Variants in MUS81 observed in about 807,000 individuals in gnomAD.
MUS81 encodes the protein MUS81 structure-specific endonuclease subunit.
A neutral mutation model predicts 74.2 loss-of-function variants in MUS81; 69 were observed. That is an observed-to-expected ratio of 0.93 (90% CI 0.77 to 1.14). The LOEUF (loss-of-function observed/expected upper bound fraction) is 1.14. Ranked by LOEUF, MUS81 falls within the 50% of genes most tolerant of loss-of-function variation. The pLI, the probability that MUS81 is intolerant of heterozygous loss-of-function variation, is 0.00. For synonymous variants in MUS81, 303 were observed against 300.6 expected, an observed-to-expected ratio of 1.01 and a Z score of -0.08; for missense variants, 711 against 726.5, an observed-to-expected ratio of 0.98 and a Z score of 0.25.
chr11:65,865,329 C>A lies in MUS81; in HGVS notation c.1505+6C>A, dbSNP rs1859786827. On this transcript the variant is annotated splice_donor_region_variant and intron_variant, in intron 14 of 15. Transcript: ENST00000308110. The stretch of plus-strand genomic sequence containing the variant: ...CGATACAGCACCCCTGCCAGGTAGG[C>A]CCTAAAGGGCCCTTAGGTGTCCTCA... 6.2e-7 allele frequency: 1 copy of A among 1,612,226 alleles called. No homozygotes were observed. The highest frequency in any genetic ancestry group is 1.3e-5 in the African/African-American group (1 of 75,010).
chr11:65,861,949 T>G lies in MUS81; in HGVS notation c.354T>G (p.Val118=). Residue 118 remains valine, a splice_region_variant and synonymous_variant, in exon 4 of 16, where the codon GTT becomes GTG. Transcript: ENST00000308110. ...CAGAACTCCTCTGTACCTTTCAGGT[T>G]CCTGCCCAGCCCAAAGCGGGAGGCT... ...LAEVQDSSMP[V]PAQPKAGGSG... 6.2e-7 allele frequency: 1 copy of G among 1,607,918 alleles called. No individual in the cohort carries two copies. Among genetic ancestry groups the G allele is most frequent in the Non-Finnish European group, 8.5e-7 (1 of 1,177,550 alleles).
At chr11:65,860,100 G>A, upstream of MUS81, 1 of 363,248 alleles carries the variant, frequency 2.8e-6, no homozygotes, top group Non-Finnish European at 5.8e-6. Context: ...GTATCCCGGG[G>A]ATGAGGATCA....
rs752901382 is a variant in MUS81 at position 65,863,662 on chromosome 11, G to A, written c.902G>A (p.Arg301His). The A allele has an allele frequency of 8.7e-6, 14 of 1,613,920 alleles. No individual in the cohort carries two copies. Among genetic ancestry groups the A allele is most frequent in the East Asian group, 4.5e-5 (2 of 44,888 alleles). ...LQRLHVTHTVRKLHVGDFVWV... is the reference protein window; with the variant it reads ...LQRLHVTHTVHKLHVGDFVWV... ...CGGCTGCACGTGACCCACACGGTGC[G>A]CAAGCTGCACGTTGGAGATTTTGTG... Residue 301 changes from arginine (R) to histidine (H), a missense_variant, in exon 9 of 16, where the codon CGC becomes CAC. Transcript: ENST00000308110.
chr11:65,863,971 G>A (rs1859718545), intron 10 of MUS81, 70 bp downstream of exon 10: 3 of 1,502,734 alleles, frequency 2.0e-6, no homozygotes, highest in South Asian at 2.3e-5. Flanking sequence ...GAGCAATCCA[G>A]GGGCACTTCT....
In MUS81 at chr11:65,864,246, C is replaced by T. The variant is rs997799543; in HGVS notation, c.1060-251C>T. ...CTGGGTGGACCCCTAGTCACAGAGG[C>T]CATGTGCCGGCCCAGGGGAGGCTTG... On this transcript the variant is annotated intron_variant, in intron 10 of 15. Coordinates refer to ENST00000308110, the MANE Select transcript of MUS81 (RefSeq NM_025128.5). 6.8e-6 allele frequency: 4 copies of T among 589,134 alleles called. No homozygotes were observed. The South Asian group carries it at 7.9e-5, about 12-fold the overall frequency. 36.5% of individuals were successfully genotyped at this position (589,134 alleles called of 1,614,324 possible).
chr11:65,865,979 C>T lies in MUS81; in HGVS notation c.1590-7C>T. On this transcript the variant is annotated splice_region_variant and splice_polypyrimidine_tract_variant and intron_variant, in intron 15 of 15. Coordinates refer to ENST00000308110, the MANE Select transcript of MUS81 (RefSeq NM_025128.5). ...GGGCGTGACCCTCGCTGCCTCTCTT[C>T]CTGCAGGAATCTGGGGCCTGCTCTG... is the stretch of plus-strand genomic sequence containing the variant. The T allele has an allele frequency of 6.2e-7, 1 of 1,613,976 alleles. No individual in the cohort carries two copies. Among genetic ancestry groups the T allele is most frequent in the Non-Finnish European group, 8.5e-7 (1 of 1,179,928 alleles).
At chr11:65,866,646 C>T (rs1362589821), downstream of MUS81, 1 of 703,590 alleles carries the variant, frequency 1.4e-6, no homozygotes, top group South Asian at 1.5e-5. Context: ...GTTACCTCCT[C>T]TCCTCTCGGG....
In MUS81 at chr11:65,863,870, G is replaced by A. The variant is rs1168485557; in HGVS notation, c.1028G>A (p.Ser343Asn). Reference protein sequence around the residue: ...ERKRLDDLCSSIIDGRFREQK... With the variant: ...ERKRLDDLCSNIIDGRFREQK... ...AAGCGACTGGATGACCTTTGCAGCA[G>A]CATCATCGACGGCCGCTTCCGGGAG... The change falls in exon 10 of 16, where the codon AGC becomes AAC. Residue 343 changes from serine to asparagine, a missense_variant. Transcript: ENST00000308110. 6.2e-7 allele frequency: 1 copy of A among 1,614,174 alleles called. No homozygotes were observed. Among genetic ancestry groups the A allele is most frequent in the Non-Finnish European group, 8.5e-7 (1 of 1,180,006 alleles).
At position 65,864,536 on chromosome 11, in the gene MUS81, C is replaced by G. The variant is rs758420383; in HGVS notation, c.1099C>G (p.Leu367Val). 2 of 1,614,054 alleles carry G rather than the reference C, an allele frequency of 1.2e-6. No individual in the cohort carries two copies. Among genetic ancestry groups the G allele is most frequent in the East Asian group, 2.2e-5 (1 of 44,894 alleles). The change falls in exon 11 of 16, where the codon CTG becomes GTG. Residue 367 changes from leucine (L) to valine (V), a missense_variant. Coordinates refer to ENST00000308110, the MANE Select transcript of MUS81 (RefSeq NM_025128.5). ...CTGTGGTCTGGAGCGCCGGGTATAC[C>G]TGGTGGAAGAGCATGGTTCCGTCCA... ...KRCGLERRVYLVEEHGSVHNL... is the reference protein window; with the variant it reads ...KRCGLERRVYVVEEHGSVHNL...
At chr11:65,864,684 G>A (rs1320730775) in intron 11 of MUS81, 36 bp from the exon 12 acceptor site, 2 of 1,612,708 alleles carry the variant, frequency 1.2e-6, no homozygotes, top group Non-Finnish European at 1.7e-6. Context: ...GTCTAGGCCA[G>A]GAGCCACCTT....
Position 65,862,011 on chromosome 11 carries a change from G to T in MUS81, c.416G>T (p.Arg139Leu), listed in dbSNP as rs148465534. The change falls in exon 4 of 16, where the codon CGA becomes CTA. Residue 139 changes from arginine (R) to leucine (L), a missense_variant. Arg to Leu is a moderately radical substitution (Grantham distance 102, BLOSUM62 -2). Coordinates refer to ENST00000308110, the MANE Select transcript of MUS81 (RefSeq NM_025128.5). ...SYWPARHSGARVILLVLYREH... is the reference protein window; with the variant it reads ...SYWPARHSGALVILLVLYREH... ...TGGCCAGCTCGGCACTCAGGAGCCC[G>T]AGTGATACTGCTGGTGCTCTACCGG... The T allele has an allele frequency of 6.2e-7, 1 of 1,610,564 alleles. No homozygotes were observed.
Position 65,863,851 on chromosome 11 carries a change from CT to C in MUS81, c.1010del (p.Leu337ArgfsTer20), listed in dbSNP as rs1565267983. 6.2e-7 allele frequency: 1 copy of C among 1,614,210 alleles called. No individual in the cohort carries two copies. The highest frequency in any genetic ancestry group is 1.1e-5 in the South Asian group (1 of 91,088). On this transcript the variant is annotated frameshift_variant, in exon 10 of 16. Coordinates refer to ENST00000308110, the MANE Select transcript of MUS81 (RefSeq NM_025128.5). LOFTEE classifies it high-confidence loss of function. ...VLDHIVERKR[L>X]DDLCSSIIDG... ...GGATCACATTGTGGAGCGCAAGCGA[CT>C]GGATGACCTTTGCAGCAGCATCATC...
intron 12 of MUS81, 54 bp from the exon 13 acceptor site, chr11:65,864,963 G>A (rs767550765): frequency 6.2e-7 from 1 of 1,605,610 alleles, no homozygotes; most frequent in Non-Finnish European, 8.5e-7. Flanking sequence ...GGCAGGGGCT[G>A]GCTGGAGTTG....
chr11:65,864,107 T>C, intron 10 of MUS81: 1 of 615,590 alleles, frequency 1.6e-6, no homozygotes, highest in Non-Finnish European at 2.9e-6. Context: ...ATTCTTGGGC[T>C]GAGGTCAGGA....
rs1010853806 is a variant in MUS81, at chr11:65,860,447, G to T, written c.-307G>T. ...GAATCTGGGGTGACAGGAAGGAGCC[G>T]GTCCAGGCTCCGGGGGCTGGGAAAG... On this transcript the variant is annotated 5_prime_UTR_variant, in exon 1 of 16. Transcript: ENST00000308110. The T allele has an allele frequency of 1.7e-5, 9 of 524,724 alleles. No homozygotes were observed. The highest frequency in any genetic ancestry group is 1.5e-4 in the South Asian group (8 of 54,446). 32.5% of individuals were successfully genotyped at this position (524,724 alleles called of 1,614,324 possible). A position where few individuals can be genotyped will look rare whatever the true frequency, so the allele number is the denominator to read the frequency against.
chr11:65,863,267 GC>G, intron 7 of MUS81, 62 bp downstream of exon 7: 1 of 1,582,198 alleles, frequency 6.3e-7, no homozygotes. Context: ...TGAGGCCAAA[GC>G]CCCGCCCCAA....
At position 65,865,036 on chromosome 11, in the gene MUS81, G is replaced by A. The variant is rs61754785; in HGVS notation, c.1292G>A (p.Arg431His). ...CCTCAGGGCCACACCCTACGCAGCC[G>A]CCCCTGGGGAACCCCTGGGAACCCT... ...RLYQGHTLRS[R>H]PWGTPGNPES... The change falls in exon 13 of 16, where the codon CGC (arginine) becomes CAC (histidine). Residue 431 changes from arginine to histidine, a missense_variant. By Grantham distance (29) the Arg-to-His change is conservative. Coordinates refer to ENST00000308110, the MANE Select transcript of MUS81 (RefSeq NM_025128.5). 0.019 allele frequency: 30,540 copies of A among 1,613,718 alleles called. 403 individuals carry two copies. Among genetic ancestry groups the A allele is most frequent in the South Asian group, 0.025 (2,250 of 91,092 alleles).
At chr11:65,867,402 T>C, downstream of MUS81, 1 of 473,972 alleles carries the variant, frequency 2.1e-6, no homozygotes, top group East Asian at 4.0e-5. Context: ...GCAGACTCCC[T>C]TCAGAGCATT....
rs776591483 is a variant in MUS81 at position 65,863,878 on chromosome 11, G to A, written c.1036G>A (p.Asp346Asn). The A allele has an allele frequency of 1.3e-5, 21 of 1,614,114 alleles. 1 individual carries two copies. The highest frequency in any genetic ancestry group is 3.3e-4 in the Middle Eastern group (2 of 6,062). Residue 346 changes from aspartate to asparagine, a missense_variant, in exon 10 of 16, where the codon GAC becomes AAC. Asp to Asn is a conservative substitution (Grantham distance 23). Coordinates refer to ENST00000308110, the MANE Select transcript of MUS81 (RefSeq NM_025128.5). ...GGATGACCTTTGCAGCAGCATCATC[G>A]ACGGCCGCTTCCGGGAGCAGAAGGT... is the stretch of plus-strand genomic sequence containing the variant. The part of the protein sequence containing the change: ...RLDDLCSSII[D>N]GRFREQKFRL...
Sources: gnomAD v4.1 joint callset for allele counts on GRCh38, gnomAD v4.1.1 for gene constraint, MANE v1.5 for transcripts, NCBI Gene and HGNC (gene_info 2026-07-23, HGNC 2026-07-21) for gene names.